Variants in VEZT observed in about 807,000 individuals in gnomAD.
The protein encoded by VEZT is vezatin, adherens junctions transmembrane protein, also known as vezatin.
Under a neutral mutation model 79.9 loss-of-function variants are expected in VEZT, and 39 were observed. That is an observed-to-expected ratio of 0.49 (90% CI 0.38 to 0.64). The LOEUF is 0.64. VEZT is among the 30% of genes least tolerant of loss of function. The pLI, the probability that VEZT is intolerant of heterozygous loss-of-function variation, is 0.00. For missense variants in VEZT, 837 were observed against 893.1 expected (o/e 0.94, Z 0.80); for synonymous variants, 325 against 327.6 (o/e 0.99, Z 0.09).
chr12:95,255,524 C>G (rs1008615866), intron 2 of VEZT, among the ~76,000 whole-genome samples: 1 of 152,190 alleles, frequency 6.6e-6, no homozygotes, highest in Non-Finnish European at 1.5e-5. Context: ...CTCCACCTCC[C>G]GGGTGCAAGC....
intron 3 of VEZT, among the ~76,000 whole-genome samples, chr12:95,261,175 G>T (rs2064405636): frequency 6.6e-6 from 1 of 152,138 alleles, no homozygotes; most frequent in Non-Finnish European, 1.5e-5. Flanking sequence ...CATGGGCTCA[G>T]TTTGATATAT....
chr12:95,253,371 A>T (rs1432939462), intron 2 of VEZT, among the ~76,000 whole-genome samples: 1 of 152,214 alleles, frequency 6.6e-6, no homozygotes, highest in Non-Finnish European at 1.5e-5. Context: ...TCTAGTAAAC[A>T]CTAGAGAATT....
At position 95,270,936 on chromosome 12, in the gene VEZT, A is replaced by G. The variant is rs1593775717; in HGVS notation, c.848+748A>G. Among the ~76,000 whole-genome samples, 4 of 152,332 alleles carry G rather than the reference A, an allele frequency of 2.6e-5. 1 individual carries two copies. The highest frequency in any genetic ancestry group is 2.6e-4 in the Admixed American group (4 of 15,304). On this transcript the variant is annotated intron_variant, in intron 6 of 11. Coordinates refer to ENST00000436874, the MANE Select transcript of VEZT (RefSeq NM_017599.4). ...CTGACTAAGTAGAAGGTAAAAAGAC[A>G]ACTTTGCCACTTCAGAATGCTGGGT... is the stretch of plus-strand genomic sequence containing the variant.
chr12:95,295,629 C>G (rs1180969394), intron 10 of VEZT, among the ~76,000 whole-genome samples: 2 of 152,110 alleles, frequency 1.3e-5, no homozygotes, highest in Non-Finnish European at 2.9e-5. Context: ...GTGGGGTGTT[C>G]CCTAATCCTA....
At chr12:95,235,745 G>T (rs920729906) in intron 1 of VEZT, among the ~76,000 whole-genome samples, 3 of 151,900 alleles carry the variant, frequency 2.0e-5, no homozygotes, top group Non-Finnish European at 4.4e-5. Flanking sequence ...CGGACGGGGT[G>T]GTTGCCGGCC....
At chr12:95,243,949 G>A (rs2061385428) in intron 1 of VEZT, 1 of 455,922 alleles carries the variant, frequency 2.2e-6, no homozygotes, top group Non-Finnish European at 4.4e-6. Flanking sequence ...AGGCAGCAGA[G>A]CCCTTGCTAG....
intron 1 of VEZT, among the ~76,000 whole-genome samples, chr12:95,235,409 G>A (rs1252508642): frequency 7.6e-6 from 1 of 131,132 alleles, no homozygotes; most frequent in African/African-American, 3.0e-5. Context: ...CTGGCTGGGC[G>A]GGAGGCTGAC....
chr12:95,260,091 T>C (rs1043551921), intron 3 of VEZT, among the ~76,000 whole-genome samples: 32 of 148,990 alleles, frequency 2.1e-4, no homozygotes, highest in African/African-American at 7.9e-4. Context: ...AGGTTGTTGG[T>C]TGATCACTTT....
At chr12:95,234,284 CT>C (rs10587022) in intron 1 of VEZT, among the ~76,000 whole-genome samples, 25,290 of 122,814 alleles carry the variant, frequency 0.21, 1,621 homozygotes, top group African/African-American at 0.25. Context: ...TATCAATAAT[CT>C]TTTTTTTTTT....
At chr12:95,284,672 T>C (rs1044850518) in intron 8 of VEZT, among the ~76,000 whole-genome samples, 1 of 152,166 alleles carries the variant, frequency 6.6e-6, no homozygotes, top group Non-Finnish European at 1.5e-5. Context: ...ATGGTCCTTC[T>C]ATAAGTTGGT....
intron 1 of VEZT, among the ~76,000 whole-genome samples, chr12:95,221,050 C>T (rs1415438587): frequency 2.0e-5 from 3 of 152,150 alleles, no homozygotes; most frequent in Non-Finnish European, 4.4e-5. Flanking sequence ...GTCCTGGTAT[C>T]TCCTTGTGGT....
At chr12:95,256,678 G>A in intron 2 of VEZT, 1 of 985,810 alleles carries the variant, frequency 1.0e-6, no homozygotes, top group Non-Finnish European at 1.4e-6. Context: ...ATATATGACA[G>A]TTTTTCTAAA....
intron 8 of VEZT, chr12:95,286,544 T>A (rs1296080662): frequency 2.0e-6 from 1 of 509,944 alleles, no homozygotes; most frequent in Non-Finnish European, 3.9e-6. Context: ...TGATTTGCTG[T>A]CATCAGATTC....
chr12:95,254,312 G>A (rs1219506857), intron 2 of VEZT, among the ~76,000 whole-genome samples: 1 of 147,554 alleles, frequency 6.8e-6, no homozygotes, highest in Admixed American at 6.8e-5. Flanking sequence ...TTTAACTGTA[G>A]GATCTATATT....
intron 1 of VEZT, among the ~76,000 whole-genome samples, chr12:95,234,708 G>C (rs2059772666): frequency 6.6e-6 from 1 of 151,980 alleles, no homozygotes; most frequent in Non-Finnish European, 1.5e-5. Flanking sequence ...ATTCTTGGGT[G>C]TGATTTGGCA....
chr12:95,298,355 G>T (rs1025650539), intron 11 of VEZT, among the ~76,000 whole-genome samples: 4 of 152,058 alleles, frequency 2.6e-5, no homozygotes, highest in Non-Finnish European at 5.9e-5. Context: ...GAAGGGAAAT[G>T]ATTAACAGAT....
intron 2 of VEZT, among the ~76,000 whole-genome samples, chr12:95,253,792 C>A (rs570347411): frequency 6.6e-6 from 1 of 151,890 alleles, no homozygotes; most frequent in Non-Finnish European, 1.5e-5. Context: ...AAAAGCATAG[C>A]CAGAGGTTGT....
intron 10 of VEZT, among the ~76,000 whole-genome samples, chr12:95,295,275 C>G (rs1194013952): frequency 6.6e-6 from 1 of 152,158 alleles, no homozygotes; most frequent in African/African-American, 2.4e-5. Context: ...ATTCTCCTGC[C>G]TCAGCCTCCT....
intron 7 of VEZT, among the ~76,000 whole-genome samples, chr12:95,280,630 C>G (rs1445846720): frequency 1.3e-5 from 2 of 152,004 alleles, no homozygotes; most frequent in Non-Finnish European, 2.9e-5. Context: ...ACAATCATTA[C>G]TGCAAAAGGG....
Sources: gnomAD v4.1 joint callset for allele counts (sites outside exome capture counted in the v4.1 genomes callset) on GRCh38, gnomAD v4.1.1 for gene constraint, MANE v1.5 for transcripts, NCBI Gene and HGNC (gene_info 2026-07-23, HGNC 2026-07-21) for gene names.